The following DCC variants were observed in gnomAD, a reference collection of about 807,000 sequenced individuals.
The protein encoded by DCC is netrin receptor DCC.
DCC carries 58 observed loss-of-function variants against 172.5 expected under a neutral mutation model. The ratio of observed to expected loss-of-function variants is 0.34; its 90% CI spans 0.27 to 0.42. DCC has a LOEUF of 0.42. Among genes scored for constraint, DCC ranks in the 10% least tolerant of loss-of-function variants. The pLI is 1.00. For synonymous variants in DCC, 709 were observed against 644.5 expected, an observed-to-expected ratio of 1.10 and a Z score of -1.52; for missense variants, 1,740 against 1,791.0, an observed-to-expected ratio of 0.97 and a Z score of 0.51.
At chr18:53,059,192 A>T (rs1301896469) in intron 5 of DCC, among the ~76,000 whole-genome samples, 1 of 152,144 alleles carries the variant, frequency 6.6e-6, no homozygotes, top group Non-Finnish European at 1.5e-5. Context: ...TGTCTCCATG[A>T]TTAAATTACC....
At chr18:52,479,090 A>G (rs902560206) in intron 1 of DCC, among the ~76,000 whole-genome samples, 5 of 139,976 alleles carry the variant, frequency 3.6e-5, no homozygotes, top group African/African-American at 1.4e-4. Context: ...GAATGGTGGG[A>G]ATAATAGTAA....
At chr18:53,316,835 G>C (rs753010884) in intron 13 of DCC, among the ~76,000 whole-genome samples, 18 of 152,192 alleles carry the variant, frequency 1.2e-4, no homozygotes, top group Non-Finnish European at 2.5e-4. Context: ...AACAGCTTAA[G>C]GAAATTTGGG....
chr18:52,444,345 C>T (rs1217097299), intron 1 of DCC, among the ~76,000 whole-genome samples: 1 of 152,136 alleles, frequency 6.6e-6, no homozygotes, highest in East Asian at 1.9e-4. Context: ...AGAAATAGCC[C>T]ACTCACTGGA....
chr18:52,596,103 T>TAA (rs1300726654), intron 1 of DCC, among the ~76,000 whole-genome samples: 1 of 152,206 alleles, frequency 6.6e-6, no homozygotes, highest in Non-Finnish European at 1.5e-5. Flanking sequence ...ACTCAGCACT[T>TAA]ACAATCTTTA....
intron 19 of DCC, among the ~76,000 whole-genome samples, chr18:53,406,711 AAAAAAGAAAGAAAGAAAAAAG>A (rs1909678440): frequency 8.7e-6 from 1 of 114,788 alleles, no homozygotes. Context: ...CTCAAAAAAA[AAAAAAGAAAGAAAGAAAAAAG>A]AAAAAAAGTA....
chr18:53,260,219 C>G (rs183972813), intron 12 of DCC, among the ~76,000 whole-genome samples: 74 of 152,262 alleles, frequency 4.9e-4, no homozygotes, highest in African/African-American at 1.3e-3. Flanking sequence ...AGTCATTCTC[C>G]GTCCAGCTTT....
At chr18:52,774,941 G>A (rs912770724) in intron 2 of DCC, among the ~76,000 whole-genome samples, 1 of 152,174 alleles carries the variant, frequency 6.6e-6, no homozygotes, top group Non-Finnish European at 1.5e-5. Flanking sequence ...AAAGTGATAA[G>A]AGCCATTTCA....
chr18:52,958,514 G>T (rs1360509205), intron 5 of DCC, among the ~76,000 whole-genome samples: 1 of 152,070 alleles, frequency 6.6e-6, no homozygotes, highest in Non-Finnish European at 1.5e-5. Flanking sequence ...TTAAGACACA[G>T]GTTGGTATTA....
chr18:53,348,559 C>G (rs1344230561), intron 15 of DCC, among the ~76,000 whole-genome samples: 1 of 152,130 alleles, frequency 6.6e-6, no homozygotes, highest in African/African-American at 2.4e-5. Context: ...CTAGGCAGTG[C>G]CCCAGTAGGG....
At chr18:53,213,436 T>C (rs1598912266) in intron 11 of DCC, among the ~76,000 whole-genome samples, 2 of 151,028 alleles carry the variant, frequency 1.3e-5, no homozygotes, top group African/African-American at 4.9e-5. Context: ...GATCACGAGG[T>C]CAGGAGTTTG....
At chr18:52,818,543 C>T (rs1457136890) in intron 2 of DCC, among the ~76,000 whole-genome samples, 4 of 151,732 alleles carry the variant, frequency 2.6e-5, no homozygotes, top group African/African-American at 7.3e-5. Context: ...TAGTTTTATG[C>T]TTACTGAGCT....
At chr18:52,785,533 T>C (rs1012290645) in intron 2 of DCC, among the ~76,000 whole-genome samples, 2 of 152,064 alleles carry the variant, frequency 1.3e-5, no homozygotes, top group South Asian at 4.1e-4. Context: ...AGGGGTATCA[T>C]GTGGGGAAAA....
intron 2 of DCC, among the ~76,000 whole-genome samples, chr18:52,780,759 T>C (rs950248332): frequency 3.3e-5 from 5 of 152,120 alleles, no homozygotes; most frequent in African/African-American, 1.2e-4. Context: ...CACGTGAAGG[T>C]CTTCAGGGGA....
At chr18:53,182,730 C>T (rs1038951499) in intron 9 of DCC, among the ~76,000 whole-genome samples, 5 of 152,096 alleles carry the variant, frequency 3.3e-5, no homozygotes, top group Non-Finnish European at 7.4e-5. Flanking sequence ...TCCAAGCCTG[C>T]TCAATAAGAC....
rs574114801 is a variant in DCC at position 52,606,532 on chromosome 18, CAGGAAACATGA to C, written c.92-145518_92-145508del. Reference sequence around the variant, plus strand: ...AGTTGAAGAGCACATTATATGATGGCAGGAAACATGAAGGGATATTTGATGAATGCCAAAAT... The same window carrying C: ...AGTTGAAGAGCACATTATATGATGGCAGGGATATTTGATGAATGCCAAAAT... On this transcript the variant is annotated intron_variant, in intron 1 of 28. Coordinates refer to ENST00000442544, the MANE Select transcript of DCC (RefSeq NM_005215.4). Among the ~76,000 whole-genome samples, 97 of 152,068 alleles carry C rather than the reference CAGGAAACATGA, an allele frequency of 6.4e-4. 2 individuals are homozygous for C. Among genetic ancestry groups the C allele is most frequent in the African/African-American group, 2.2e-3 (90 of 41,512 alleles).
intron 1 of DCC, among the ~76,000 whole-genome samples, chr18:52,377,698 CTT>C (rs34881042): frequency 7.4e-6 from 1 of 136,002 alleles, no homozygotes; most frequent in Non-Finnish European, 1.6e-5. Flanking sequence ...TATTAAGCCA[CTT>C]TTTTTTTTTT....
At chr18:52,697,873 ATCT>A (rs2036039740) in intron 1 of DCC, among the ~76,000 whole-genome samples, 2 of 152,302 alleles carry the variant, frequency 1.3e-5, no homozygotes, top group East Asian at 1.9e-4. Context: ...TTTAACAGAC[ATCT>A]TCTTATATTT....
rs147504257 is a variant in DCC at position 53,309,160 on chromosome 18, A to G, written c.2053+3441A>G. Among the ~76,000 whole-genome samples, 42 of 152,066 alleles carry G rather than the reference A, an allele frequency of 2.8e-4. 1 individual carries two copies. The East Asian group carries it at 8.0e-3, about 29-fold the overall frequency. On this transcript the variant is annotated intron_variant, in intron 13 of 28. Transcript: ENST00000442544. ...TCAAGTGATCCTCCTGCCTCGGCCT[A>G]CGGAGCAGCTGGGACTATAGGTGTG...
At chr18:53,090,918 A>G (rs1431012810) in intron 7 of DCC, among the ~76,000 whole-genome samples, 1 of 151,778 alleles carries the variant, frequency 6.6e-6, no homozygotes, top group Non-Finnish European at 1.5e-5. Flanking sequence ...CCCTTGTTCT[A>G]TAGAAGCATG....
Sources: allele counts gnomAD v4.1 joint callset (sites outside exome capture counted in the v4.1 genomes callset), GRCh38; gene constraint gnomAD v4.1.1; transcripts MANE v1.5; gene names NCBI Gene and HGNC (gene_info 2026-07-23, HGNC 2026-07-21).